Variants in GRM3 observed in about 807,000 individuals in gnomAD.
GRM3 encodes the protein glutamate metabotropic receptor 3.
A neutral mutation model predicts 70.5 loss-of-function variants in GRM3; 26 were observed. That is an observed-to-expected ratio of 0.37 (90% CI 0.27 to 0.51). The LOEUF (loss-of-function observed/expected upper bound fraction) is 0.51, where lower values mean the gene tolerates loss of function less well. Ranked by LOEUF, GRM3 falls within the 20% of genes least tolerant of loss-of-function variation. GRM3 has a pLI of 0.93. For missense variants in GRM3, 859 were observed against 1,123.8 expected (o/e 0.76, Z 3.37); for synonymous variants, 443 against 434.9 (o/e 1.02, Z -0.23).
At chr7:86,777,217 T>C (rs1796915345) in intron 2 of GRM3, among the ~76,000 whole-genome samples, 1 of 152,098 alleles carries the variant, frequency 6.6e-6, no homozygotes, top group Non-Finnish European at 1.5e-5. Flanking sequence ...AAATGATGAG[T>C]TATGAAAATG....
chr7:86,787,448 A>G (rs1482281017), intron 3 of GRM3, among the ~76,000 whole-genome samples: 1 of 152,162 alleles, frequency 6.6e-6, no homozygotes, highest in Non-Finnish European at 1.5e-5. Flanking sequence ...TGATATGGGC[A>G]CTTAATCTTC....
intron 1 of GRM3, among the ~76,000 whole-genome samples, chr7:86,674,925 G>C (rs1161778108): frequency 1.3e-5 from 2 of 151,972 alleles, no homozygotes; most frequent in African/African-American, 4.8e-5. Flanking sequence ...CCTTTGCTTT[G>C]CAAGATTTCT....
At chr7:86,819,635 G>T (rs1295487633) in intron 3 of GRM3, among the ~76,000 whole-genome samples, 1 of 152,146 alleles carries the variant, frequency 6.6e-6, no homozygotes, top group Non-Finnish European at 1.5e-5. Context: ...AGCAACCAAA[G>T]AATGGACTCG....
At chr7:86,845,157 T>C (rs1798632103) in intron 4 of GRM3, among the ~76,000 whole-genome samples, 1 of 152,148 alleles carries the variant, frequency 6.6e-6, no homozygotes, top group African/African-American at 2.4e-5. Context: ...CCCAAAGTGC[T>C]GGGATTACTG....
At chr7:86,646,171 C>A (rs934932499) in intron 1 of GRM3, among the ~76,000 whole-genome samples, 1 of 152,020 alleles carries the variant, frequency 6.6e-6, no homozygotes, top group Non-Finnish European at 1.5e-5. Flanking sequence ...GATAACAGTT[C>A]CTAACAAAGA....
chr7:86,790,763 T>C (rs989267598), intron 3 of GRM3, among the ~76,000 whole-genome samples: 44 of 152,146 alleles, frequency 2.9e-4, no homozygotes, highest in African/African-American at 9.9e-4. Flanking sequence ...CCCAGATATT[T>C]CTGTGGTTAA....
intron 3 of GRM3, among the ~76,000 whole-genome samples, chr7:86,824,654 A>G (rs1224890179): frequency 2.0e-5 from 3 of 152,222 alleles, no homozygotes; most frequent in Admixed American, 6.5e-5. Context: ...TGTGATTACC[A>G]TAATTCTCAC....
intron 3 of GRM3, among the ~76,000 whole-genome samples, chr7:86,794,001 G>C (rs1797489019): frequency 6.6e-6 from 1 of 151,760 alleles, no homozygotes; most frequent in Non-Finnish European, 1.5e-5. Context: ...AGACTTTTTT[G>C]GATACTGTGG....
At chr7:86,770,131 T>G (rs1471421522) in intron 2 of GRM3, among the ~76,000 whole-genome samples, 10 of 152,168 alleles carry the variant, frequency 6.6e-5, no homozygotes, top group Non-Finnish European at 1.5e-4. Context: ...TGAAATGATC[T>G]TCACTCTTTC....
In GRM3 at chr7:86,812,484, A is replaced by T. The variant is rs192799302; in HGVS notation, c.1324+25368A>T. ...CGCCTGTTAACCAGGTGTTAATTCCAAAAAAAGGTTAGGATTAACGTTAAG... is the reference window on the plus strand; with the variant it reads ...CGCCTGTTAACCAGGTGTTAATTCCTAAAAAAGGTTAGGATTAACGTTAAG... On this transcript the variant is annotated intron_variant, in intron 3 of 5. Coordinates refer to ENST00000361669, the MANE Select transcript of GRM3 (RefSeq NM_000840.3). Among the ~76,000 whole-genome samples the T allele has an allele frequency of 2.6e-5, 4 of 151,872 alleles. No individual in the cohort carries two copies. The East Asian group carries it at 7.7e-4, about 29-fold the overall frequency.
chr7:86,859,540 TAAAC>T (rs1798915007), intron 5 of GRM3, among the ~76,000 whole-genome samples: 1 of 152,018 alleles, frequency 6.6e-6, no homozygotes. Context: ...GTAAAATATC[TAAAC>T]AAACAGACTT....
chr7:86,840,201 G>C (rs560737342), intron 4 of GRM3, among the ~76,000 whole-genome samples: 1 of 152,236 alleles, frequency 6.6e-6, no homozygotes, highest in South Asian at 2.1e-4. Context: ...TACACATAAT[G>C]TTAATTAAAC....
At chr7:86,816,788 T>C (rs1222068684) in intron 3 of GRM3, among the ~76,000 whole-genome samples, 1 of 151,908 alleles carries the variant, frequency 6.6e-6, no homozygotes, top group Non-Finnish European at 1.5e-5. Flanking sequence ...ACTCCAGACA[T>C]CAATTCCTAC....
intron 1 of GRM3, among the ~76,000 whole-genome samples, chr7:86,657,578 G>A (rs1793778599): frequency 6.6e-6 from 1 of 152,164 alleles, no homozygotes; most frequent in African/African-American, 2.4e-5. Context: ...AGCTCTCAGA[G>A]CAGATAAAAT....
chr7:86,707,549 TGGG>T (rs1396450847), intron 1 of GRM3, among the ~76,000 whole-genome samples: 1 of 151,926 alleles, frequency 6.6e-6, no homozygotes, highest in African/African-American at 2.4e-5. Context: ...ATGAGAACAA[TGGG>T]GATGATGATA....
intron 1 of GRM3, among the ~76,000 whole-genome samples, chr7:86,661,821 A>T (rs921485335): frequency 2.0e-5 from 3 of 151,978 alleles, no homozygotes; most frequent in Non-Finnish European, 2.9e-5. Flanking sequence ...AAGTCAAACA[A>T]GGCTAGAAAC....
At chr7:86,721,315 C>A (rs970330827) in intron 1 of GRM3, among the ~76,000 whole-genome samples, 1 of 152,030 alleles carries the variant, frequency 6.6e-6, no homozygotes, top group African/African-American at 2.4e-5. Context: ...TTCCTCATGG[C>A]TTCTAGGATG....
chr7:86,696,916 A>G (rs1007634225), intron 1 of GRM3, among the ~76,000 whole-genome samples: 2 of 152,166 alleles, frequency 1.3e-5, no homozygotes, highest in Non-Finnish European at 2.9e-5. Context: ...TAACTGCTCT[A>G]CTATTCTGGC....
chr7:86,859,718 T>C (rs565969524), intron 5 of GRM3, among the ~76,000 whole-genome samples: 63 of 152,322 alleles, frequency 4.1e-4, no homozygotes, highest in African/African-American at 1.4e-3. Context: ...AGCCACTAAA[T>C]TGACTAACAG....
Sources: gnomAD v4.1 joint callset for allele counts (sites outside exome capture counted in the v4.1 genomes callset) on GRCh38, gnomAD v4.1.1 for gene constraint, MANE v1.5 for transcripts, NCBI Gene and HGNC (gene_info 2026-07-23, HGNC 2026-07-21) for gene names.